PLD5: variants seen among roughly 807,000 people sequenced by gnomAD.
PLD5 encodes the protein inactive phospholipase D5.
PLD5 carries 36 observed loss-of-function variants against 61.1 expected under a neutral mutation model. The ratio of observed to expected loss-of-function variants is 0.59; its 90% CI spans 0.45 to 0.78. The LOEUF (loss-of-function observed/expected upper bound fraction) is 0.78. PLD5 is among the 30% of genes least tolerant of loss of function. The probability of loss-of-function intolerance (pLI) is 0.00; values close to 1 mark genes in which losing one functional copy is unlikely to be tolerated. For synonymous variants in PLD5, 243 were observed against 242.8 expected (o/e 1.00, Z -0.01); for missense variants, 515 against 644.4 (o/e 0.80, Z 2.17).
At chr1:242,494,878 C>CTTTTTTTTTTTT (rs556893161) in intron 1 of PLD5, among the ~76,000 whole-genome samples, 40 of 135,850 alleles carry the variant, frequency 2.9e-4, no homozygotes, top group African/African-American at 4.5e-4. Context: ...TTTTTCTTTT[C>CTTTTTTTTTTTT]TGTTTTTTTT....
chr1:242,158,983 G>A (rs1665616161), intron 5 of PLD5, among the ~76,000 whole-genome samples: 2 of 152,028 alleles, frequency 1.3e-5, no homozygotes, highest in Non-Finnish European at 2.9e-5. Context: ...GTTTTAGCAT[G>A]TTATCCACCT....
intron 5 of PLD5, among the ~76,000 whole-genome samples, chr1:242,191,994 C>G (rs1462874515): frequency 6.6e-6 from 1 of 152,194 alleles, no homozygotes; most frequent in African/African-American, 2.4e-5. Flanking sequence ...GCCAAACAGG[C>G]AGACAGCAGA....
At chr1:242,428,423 GGTA>G in intron 1 of PLD5, among the ~76,000 whole-genome samples, 1 of 152,272 alleles carries the variant, frequency 6.6e-6, no homozygotes, top group Middle Eastern at 3.4e-3. Context: ...TGTTTTACTA[GGTA>G]CAGAGTTACC....
chr1:242,119,890 T>A (rs2148720649), intron 6 of PLD5, among the ~76,000 whole-genome samples: 1 of 152,306 alleles, frequency 6.6e-6, no homozygotes, highest in South Asian at 2.1e-4. Flanking sequence ...ATAGCAGCAC[T>A]ATTTACAATA....
intron 1 of PLD5, among the ~76,000 whole-genome samples, chr1:242,483,615 C>T (rs1667858983): frequency 6.6e-6 from 1 of 152,138 alleles, no homozygotes; most frequent in Admixed American, 6.5e-5. Flanking sequence ...TAATGGGAGA[C>T]TTTAACACCC....
chr1:242,451,355 A>G (rs1441408085), intron 1 of PLD5, among the ~76,000 whole-genome samples: 1 of 150,754 alleles, frequency 6.6e-6, no homozygotes, highest in South Asian at 2.1e-4. Flanking sequence ...TGAATCATAC[A>G]TTGTCTTCAG....
At chr1:242,093,971 A>G (rs755821854) in intron 9 of PLD5, among the ~76,000 whole-genome samples, 20 of 144,666 alleles carry the variant, frequency 1.4e-4, no homozygotes, top group East Asian at 3.9e-4. Context: ...CTCAGGAATC[A>G]TGGCTCTGGA....
At chr1:242,156,178 C>T (rs1017315436) in intron 5 of PLD5, among the ~76,000 whole-genome samples, 3 of 147,814 alleles carry the variant, frequency 2.0e-5, no homozygotes, top group Non-Finnish European at 4.5e-5. Flanking sequence ...GCAACTCCTG[C>T]TCTTTTTTTG....
rs375337245 is a variant in PLD5, at chr1:242,288,342, A to G, written c.495+20T>C. 1.7e-5 allele frequency: 27 copies of G among 1,600,518 alleles called. No homozygotes were observed. In the African/African-American group the frequency reaches 2.4e-4, roughly 14 times the overall value. On this transcript the variant is annotated intron_variant, in intron 3 of 9. Transcript: ENST00000536534. ...ATGCACATAAGTAAAATCATCACAC[A>G]CACAGAGGATGTAGCTTACCTGACA... is the stretch of plus-strand genomic sequence containing the variant.
intron 5 of PLD5, among the ~76,000 whole-genome samples, chr1:242,208,021 CACAT>C (rs1447591286): frequency 7.1e-6 from 1 of 140,094 alleles, no homozygotes; most frequent in African/African-American, 2.7e-5. Context: ...CACACACACA[CACAT>C]ACATATATGT....
chr1:242,498,874 T>A (rs1668461997), intron 1 of PLD5, among the ~76,000 whole-genome samples: 1 of 152,246 alleles, frequency 6.6e-6, no homozygotes, highest in East Asian at 1.9e-4. Flanking sequence ...AGAATAGATG[T>A]TGGAATGAAC....
the PLD5 span, among the ~76,000 whole-genome samples, chr1:242,530,082 TG>T: frequency 3.9e-5 from 6 of 152,156 alleles, no homozygotes; most frequent in African/African-American, 1.4e-4. Context: ...TTAGTAGAGA[TG>T]GGGTTTCACC....
At chr1:242,506,841 G>A (rs990777829) in intron 1 of PLD5, among the ~76,000 whole-genome samples, 4 of 152,188 alleles carry the variant, frequency 2.6e-5, no homozygotes, top group East Asian at 1.9e-4. Flanking sequence ...GCTTCCAAGC[G>A]GATGTGCGGG....
intron 5 of PLD5, among the ~76,000 whole-genome samples, chr1:242,191,275 A>C (rs1376908534): frequency 6.6e-6 from 1 of 152,162 alleles, no homozygotes; most frequent in East Asian, 1.9e-4. Flanking sequence ...GAGTTTATTT[A>C]AAAGAAGGTA....
rs145900148 is a variant in PLD5, at chr1:242,468,081, A to C, written c.189+56007T>G. Among the ~76,000 whole-genome samples the C allele has an allele frequency of 1.8e-4, 27 of 152,326 alleles. No individual in the cohort carries two copies. In the East Asian group the frequency reaches 4.8e-3, roughly 27 times the overall value. On this transcript the variant is annotated intron_variant, in intron 1 of 9. Coordinates refer to ENST00000536534, the MANE Select transcript of PLD5 (RefSeq NM_001372062.1). ...GGAGTGCCAAGAGTTATAAAATTAG[A>C]GAGGAAATGAAAATCTGTTATTTTC...
At chr1:242,453,731 T>C (rs931637684) in intron 1 of PLD5, among the ~76,000 whole-genome samples, 1 of 152,154 alleles carries the variant, frequency 6.6e-6, no homozygotes. Context: ...TGCAGAGACA[T>C]AGGCTCCTAC....
At chr1:242,162,166 C>G (rs1338254188) in intron 5 of PLD5, among the ~76,000 whole-genome samples, 1 of 152,080 alleles carries the variant, frequency 6.6e-6, no homozygotes, top group Non-Finnish European at 1.5e-5. Context: ...CAAAATGAAA[C>G]TTCCAATTAA....
chr1:242,439,704 A>G (rs770772598), intron 1 of PLD5, among the ~76,000 whole-genome samples: 7 of 152,236 alleles, frequency 4.6e-5, no homozygotes, highest in Non-Finnish European at 7.3e-5. Flanking sequence ...GACTGCAGGT[A>G]TAAACGAATG....
At chr1:242,276,669 A>G (rs906404131) in intron 3 of PLD5, among the ~76,000 whole-genome samples, 4 of 151,424 alleles carry the variant, frequency 2.6e-5, no homozygotes, top group Non-Finnish European at 5.9e-5. Context: ...AGATGTCCCA[A>G]TGGATCAATC....
Sources: allele counts gnomAD v4.1 joint callset (sites outside exome capture counted in the v4.1 genomes callset), GRCh38; gene constraint gnomAD v4.1.1; transcripts MANE v1.5; gene names NCBI Gene and HGNC (gene_info 2026-07-23, HGNC 2026-07-21).